TENM3: variants seen among roughly 807,000 people sequenced by gnomAD.
TENM3 encodes teneurin transmembrane protein 3, also known as teneurin-3.
A neutral mutation model predicts 255.1 loss-of-function variants in TENM3; 63 were observed. That is an observed-to-expected ratio of 0.25 (90% CI 0.20 to 0.30). The LOEUF is 0.30. TENM3 is among the 10% of genes least tolerant of loss of function. TENM3 has a pLI of 1.00. For missense variants in TENM3, 2,929 were observed against 3,461.1 expected, an observed-to-expected ratio of 0.85 and a Z score of 3.86; for synonymous variants, 1,306 against 1,322.3, an observed-to-expected ratio of 0.99 and a Z score of 0.27.
chr4:182,783,234 C>T (rs1049761971), intron 24 of TENM3, among the ~76,000 whole-genome samples: 1 of 152,148 alleles, frequency 6.6e-6, no homozygotes, highest in Non-Finnish European at 1.5e-5. Flanking sequence ...TTCAGGAGCT[C>T]TTTTAGGGCA....
chr4:181,980,610 T>C, the TENM3 span, among the ~76,000 whole-genome samples: 1 of 152,180 alleles, frequency 6.6e-6, no homozygotes, highest in Admixed American at 6.5e-5. Context: ...TCTTTTCTAT[T>C]TTTAGTCTCA....
At chr4:182,624,301 G>A (rs2152460907) in intron 4 of TENM3, among the ~76,000 whole-genome samples, 1 of 152,278 alleles carries the variant, frequency 6.6e-6, no homozygotes, top group Admixed American at 6.5e-5. Context: ...TCCCCCAGAG[G>A]GTTTTCATGG....
chr4:182,223,436 A>C (rs1286846644), intron 1 of TENM3, among the ~76,000 whole-genome samples: 4 of 152,172 alleles, frequency 2.6e-5, no homozygotes, highest in African/African-American at 9.7e-5. Flanking sequence ...AAGTGACAAG[A>C]ACCATTCGGC....
rs377724056 is a variant in TENM3, at chr4:182,246,194, A to G, written c.-76+2718A>G. Reference sequence around the variant, plus strand: ...ATAAAATGAATGCAATCTAGGTACCACTAATTATCTAACCCCGGGTCATCA... The same window carrying G: ...ATAAAATGAATGCAATCTAGGTACCGCTAATTATCTAACCCCGGGTCATCA... On this transcript the variant is annotated intron_variant, in intron 1 of 27. Coordinates refer to ENST00000511685, the MANE Select transcript of TENM3 (RefSeq NM_001080477.4). Among the ~76,000 whole-genome samples the G allele has an allele frequency of 7.2e-5, 11 of 152,264 alleles. No homozygotes were observed. The South Asian group carries it at 2.1e-3, about 29-fold the overall frequency.
At chr4:181,955,263 G>A in the TENM3 span, among the ~76,000 whole-genome samples, 1 of 152,136 alleles carries the variant, frequency 6.6e-6, no homozygotes, top group Non-Finnish European at 1.5e-5. Context: ...CATTATGGGA[G>A]GGGAAGGCAG....
the TENM3 span, among the ~76,000 whole-genome samples, chr4:181,551,996 G>A: frequency 3.3e-5 from 5 of 151,598 alleles, no homozygotes; most frequent in African/African-American, 7.3e-5. Context: ...AGATTAGGCC[G>A]TAAGTTATTT....
intron 1 of TENM3, among the ~76,000 whole-genome samples, chr4:182,253,819 G>T (rs1159361419): frequency 6.6e-6 from 1 of 152,088 alleles, no homozygotes; most frequent in Non-Finnish European, 1.5e-5. Flanking sequence ...AGTGACATTT[G>T]CCTCTAAATC....
At chr4:182,240,295 C>G (rs987910185), upstream of TENM3, among the ~76,000 whole-genome samples, 1 of 152,122 alleles carries the variant, frequency 6.6e-6, no homozygotes, top group African/African-American at 2.4e-5. Context: ...CCACTGAGAT[C>G]AACGGAATGC....
the TENM3 span, among the ~76,000 whole-genome samples, chr4:181,864,135 G>C: frequency 0.38 from 57,988 of 151,968 alleles, 12,838 homozygotes; most frequent in Non-Finnish European, 0.49. Context: ...ACTAGTATTA[G>C]TTGATGAATA....
chr4:181,451,580 G>T, the TENM3 span, among the ~76,000 whole-genome samples: 1 of 152,156 alleles, frequency 6.6e-6, no homozygotes, highest in African/African-American at 2.4e-5. Flanking sequence ...GAGTGAAGGT[G>T]TAGGGGTCTG....
At chr4:182,523,645 C>T (rs928184007) in intron 3 of TENM3, among the ~76,000 whole-genome samples, 5 of 152,014 alleles carry the variant, frequency 3.3e-5, no homozygotes, top group Non-Finnish European at 1.5e-5. Context: ...TGTTATTCCC[C>T]AAGAAGAAGC....
the TENM3 span, among the ~76,000 whole-genome samples, chr4:181,830,907 T>A: frequency 2.3e-3 from 347 of 152,272 alleles, 2 homozygotes; most frequent in African/African-American, 7.9e-3. Context: ...AGAATGACTC[T>A]TCCCTAACTG....
chr4:182,016,845 A>G, the TENM3 span, among the ~76,000 whole-genome samples: 9 of 152,316 alleles, frequency 5.9e-5, no homozygotes, highest in South Asian at 1.9e-3. Flanking sequence ...GATTGGTTTT[A>G]TGTAAAAAAT....
chr4:182,011,991 A>G, the TENM3 span, among the ~76,000 whole-genome samples: 2 of 152,196 alleles, frequency 1.3e-5, no homozygotes, highest in African/African-American at 4.8e-5. Flanking sequence ...ACCTAGATAG[A>G]GAAGAACTGA....
At chr4:181,839,365 A>ATG in the TENM3 span, among the ~76,000 whole-genome samples, 3 of 64,376 alleles carry the variant, frequency 4.7e-5, no homozygotes, top group African/African-American at 1.5e-4. Context: ...ATATATATAT[A>ATG]TATATATATA....
intron 1 of TENM3, among the ~76,000 whole-genome samples, chr4:182,168,146 T>C (rs1195033340): frequency 6.6e-6 from 1 of 151,934 alleles, no homozygotes; most frequent in African/African-American, 2.4e-5. Context: ...TTTCTTTTTT[T>C]TTTTTCGAGA....
chr4:181,767,930 A>G, the TENM3 span, among the ~76,000 whole-genome samples: 101 of 145,720 alleles, frequency 6.9e-4, 2 homozygotes, highest in South Asian at 0.01. Flanking sequence ...CTCAGGTTTA[A>G]GAAAAATCTA....
chr4:182,483,743 C>G (rs1734426335), intron 3 of TENM3, among the ~76,000 whole-genome samples: 1 of 152,040 alleles, frequency 6.6e-6, no homozygotes, highest in Admixed American at 6.6e-5. Context: ...GTTCCACAGG[C>G]TGTACAGGAA....
At chr4:182,122,131 T>G in the TENM3 span, among the ~76,000 whole-genome samples, 4 of 152,234 alleles carry the variant, frequency 2.6e-5, no homozygotes, top group East Asian at 7.7e-4. Context: ...TGCAGACTCA[T>G]CTTCAGCCTC....
Sources: allele counts gnomAD v4.1 joint callset (sites outside exome capture counted in the v4.1 genomes callset), GRCh38; gene constraint gnomAD v4.1.1; transcripts MANE v1.5; gene names NCBI Gene and HGNC (gene_info 2026-07-23, HGNC 2026-07-21).